ACAN: variants seen among roughly 807,000 people sequenced by gnomAD.
The protein encoded by ACAN is aggrecan core protein.
In ACAN, 47 loss-of-function variants were observed where a neutral mutation model predicts 169.1. The observed-to-expected ratio is 0.28, with a 90% CI of 0.22 to 0.35. The LOEUF is 0.35. ACAN is among the 10% of genes least tolerant of loss of function. ACAN has a pLI of 1.00. For missense variants in ACAN, 2,716 were observed against 2,759.9 expected (o/e 0.98, Z 0.36); for synonymous variants, 1,115 against 1,112.2 (o/e 1.00, Z -0.05).
intron 4 of ACAN, 29 bp downstream of exon 4, chr15:88,840,215 G>T (rs1329467395): frequency 2.9e-5 from 45 of 1,550,854 alleles, no homozygotes; most frequent in East Asian, 4.6e-5. Flanking sequence ...GCTAGTGGGG[G>T]CCAGGAGTCA....
intron 1 of ACAN, among the ~76,000 whole-genome samples, chr15:88,830,419 A>G (rs577286853): frequency 6.6e-6 from 1 of 152,248 alleles, no homozygotes; most frequent in East Asian, 1.9e-4. Flanking sequence ...ACTAAAGTGT[A>G]CTTACACAAA....
At chr15:88,859,942 T>C (rs1897157894) in intron 12 of ACAN, among the ~76,000 whole-genome samples, 1 of 152,156 alleles carries the variant, frequency 6.6e-6, no homozygotes, top group Non-Finnish European at 1.5e-5. Flanking sequence ...GTCATTTGGC[T>C]ATCTGGTTTT....
At chr15:88,842,695 C>A (rs1225209354) in intron 5 of ACAN, among the ~76,000 whole-genome samples, 2 of 152,216 alleles carry the variant, frequency 1.3e-5, no homozygotes, top group African/African-American at 4.8e-5. Flanking sequence ...TGTGTGTTCC[C>A]ACATTTGGCT....
chr15:88,834,608 A>T (rs1389318931), intron 1 of ACAN, among the ~76,000 whole-genome samples: 3 of 152,234 alleles, frequency 2.0e-5, no homozygotes, highest in Non-Finnish European at 4.4e-5. Flanking sequence ...CAGATCCTCC[A>T]TCCGCTCCAA....
intron 1 of ACAN, among the ~76,000 whole-genome samples, chr15:88,831,840 G>T (rs987255449): frequency 6.6e-6 from 1 of 152,190 alleles, no homozygotes; most frequent in Admixed American, 6.5e-5. Flanking sequence ...CCAGAAGGCC[G>T]CCACAGGAGG....
At chr15:88,845,937 AG>A (rs1460393519) in intron 7 of ACAN, 55 bp downstream of exon 7, 1 of 1,431,854 alleles carries the variant, frequency 7.0e-7, no homozygotes, top group African/African-American at 1.4e-5. Flanking sequence ...CTTGGCCTGC[AG>A]GGAAGGGATT....
Position 88,875,158 on chromosome 15 carries a change from T to G in ACAN, c.*677T>G, listed in dbSNP as rs1284485416. 6.5e-6 allele frequency: 1 copy of G among 153,720 alleles called. No individual in the cohort carries two copies. The highest frequency in any genetic ancestry group is 1.9e-4 in the East Asian group (1 of 5,198). The allele number at this position is 153,720 out of a possible 1,614,324, so 9.5% of individuals were successfully genotyped here. A position where few individuals can be genotyped will look rare whatever the true frequency, so the allele number is the denominator to read the frequency against. On this transcript the variant is annotated 3_prime_UTR_variant, in exon 19 of 19. Coordinates refer to ENST00000560601, the MANE Select transcript of ACAN (RefSeq NM_001369268.1). The surrounding 1 kb of genome is among the most constrained non-coding windows in gnomAD (Gnocchi z 4.8). ...TTCAGTGTCCTCTCTCTCACCTGGG[T>G]CTGCCACCCTAACAGGTGGCAACTC...
rs1897076360 is a variant in ACAN at position 88,857,259 on chromosome 15, T to C, written c.4674T>C (p.Ser1558=). Residue 1558 remains serine, a synonymous_variant, in exon 12 of 19, where the codon TCT becomes TCC. Coordinates refer to ENST00000560601, the MANE Select transcript of ACAN (RefSeq NM_001369268.1). ...LPSGGEGLET[S]ASEVGTDLSG... Reference sequence around the variant, plus strand: ...CTGGAGGAGAAGGTCTAGAGACCTCTGCTTCTGAAGTAGGGACTGACCTCA... The same window carrying C: ...CTGGAGGAGAAGGTCTAGAGACCTCCGCTTCTGAAGTAGGGACTGACCTCA... 1 of 1,613,820 alleles carries C rather than the reference T, an allele frequency of 6.2e-7. No homozygotes were observed. Among genetic ancestry groups the C allele is most frequent in the Non-Finnish European group, 8.5e-7 (1 of 1,179,884 alleles).
rs28421263 is a variant in ACAN at position 88,846,359 on chromosome 15, C to T, written c.1429+477C>T. ...TTAGCTGTTCTCATATGGCCCATGA[C>T]TTAAGAATGATTTTTACATTCTTAA... On this transcript the variant is annotated intron_variant, in intron 7 of 18. Coordinates refer to ENST00000560601, the MANE Select transcript of ACAN (RefSeq NM_001369268.1). Among the ~76,000 whole-genome samples the T allele has an allele frequency of 4.5e-3, 685 of 152,272 alleles. 8 individuals carry two copies. Among genetic ancestry groups the T allele is most frequent in the African/African-American group, 0.016 (657 of 41,552 alleles).
intron 12 of ACAN, among the ~76,000 whole-genome samples, chr15:88,860,017 C>T (rs933566058): frequency 2.0e-5 from 3 of 150,510 alleles, no homozygotes; most frequent in Admixed American, 6.6e-5. Context: ...ATTGTCTCAC[C>T]GTGACATAAC....
intron 1 of ACAN, among the ~76,000 whole-genome samples, chr15:88,823,653 C>T (rs772056112): frequency 2.6e-5 from 4 of 152,172 alleles, no homozygotes; most frequent in Non-Finnish European, 5.9e-5. Flanking sequence ...TCCACGGCTG[C>T]AGCCACCCCA....
intron 1 of ACAN, among the ~76,000 whole-genome samples, chr15:88,812,895 CAG>C (rs1172863479): frequency 6.6e-6 from 1 of 152,182 alleles, no homozygotes; most frequent in Non-Finnish European, 1.5e-5. Flanking sequence ...CTTCCTGAGA[CAG>C]GGACCTTTTC....
At chr15:88,831,201 A>T (rs765578274) in intron 1 of ACAN, among the ~76,000 whole-genome samples, 3 of 152,244 alleles carry the variant, frequency 2.0e-5, no homozygotes, top group African/African-American at 7.2e-5. Context: ...TGGCTGTAGC[A>T]TAACACTGGT....
chr15:88,806,085 G>T (rs1399440215), intron 1 of ACAN, among the ~76,000 whole-genome samples: 1 of 152,210 alleles, frequency 6.6e-6, no homozygotes, highest in Admixed American at 6.5e-5. Flanking sequence ...TGGCTACATG[G>T]CTTTGATAAG....
At chr15:88,842,513 CCCCCT>C (rs1395533398) in intron 5 of ACAN, among the ~76,000 whole-genome samples, 2,481 of 48,322 alleles carry the variant, frequency 0.051, 55 homozygotes, top group African/African-American at 0.11. Context: ...CCTGCCCATC[CCCCCT>C]CCCCCCTACC....
chr15:88,857,186 T>C lies in ACAN; in HGVS notation c.4601T>C (p.Val1534Ala). Residue 1534 changes from valine (V) to alanine (A), a missense_variant, in exon 12 of 19, where the codon GTT becomes GCT. Val to Ala is a moderately conservative substitution (Grantham distance 64). Around this residue, in one of 3 missense-constraint regions of ACAN, gnomAD observed 1,389 missense variants for 1,363.7 expected, o/e 1.02. Coordinates refer to ENST00000560601, the MANE Select transcript of ACAN (RefSeq NM_001369268.1). Reference sequence around the variant, plus strand: ...AGCAGGCTCCCTTCTGGAGAAGAAGTTCTAGAGATTTCTGCCTCTGGATTT... The same window carrying C: ...AGCAGGCTCCCTTCTGGAGAAGAAGCTCTAGAGATTTCTGCCTCTGGATTT... ...DLSRLPSGEE[V>A]LEISASGFGD... 6.2e-7 allele frequency: 1 copy of C among 1,613,660 alleles called. No homozygotes were observed. Among genetic ancestry groups the C allele is most frequent in the East Asian group, 2.2e-5 (1 of 44,870 alleles).
At chr15:88,854,125 T>C (rs1410308448) in intron 11 of ACAN, among the ~76,000 whole-genome samples, 1 of 152,268 alleles carries the variant, frequency 6.6e-6, no homozygotes, top group Non-Finnish European at 1.5e-5. Flanking sequence ...TTTTTCAAAT[T>C]GTCTGTAACA....
chr15:88,847,355 G>A lies in ACAN; in HGVS notation c.1542G>A (p.Gln514=), dbSNP rs1416580950. 2 of 1,589,058 alleles carry A rather than the reference G, an allele frequency of 1.3e-6. No homozygotes were observed. Among genetic ancestry groups the A allele is most frequent in the Non-Finnish European group, 1.7e-6 (2 of 1,168,794 alleles). The change falls in exon 8 of 19, where the codon CAG becomes CAA. Residue 514 remains glutamine (Q), a synonymous_variant. Coordinates refer to ENST00000560601, the MANE Select transcript of ACAN (RefSeq NM_001369268.1). ...GAVIASPEQL[Q]AAYEAGYEQC... ...TCATTGCCTCGCCGGAGCAGCTCCA[G>A]GCCGCCTACGAAGCAGGCTATGAGC...
At position 88,847,233 on chromosome 15, in the gene ACAN, C is replaced by A. The variant is rs769447887; in HGVS notation, c.1430-10C>A. 2 of 1,538,158 alleles carry A rather than the reference C, an allele frequency of 1.3e-6. No individual in the cohort carries two copies. Among genetic ancestry groups the A allele is most frequent in the Non-Finnish European group, 1.8e-6 (2 of 1,138,156 alleles). On this transcript the variant is annotated splice_polypyrimidine_tract_variant and intron_variant, in intron 7 of 18. Coordinates refer to ENST00000560601, the MANE Select transcript of ACAN (RefSeq NM_001369268.1). ...TCCCTGAACCTGACCGCTCCCTCCT[C>A]CCCACCCAGGGGTCGTCTTCCACTA...
Sources: allele counts gnomAD v4.1 joint callset (sites outside exome capture counted in the v4.1 genomes callset), GRCh38; gene constraint gnomAD v4.1.1; regional missense constraint gnomAD v4.1.1; non-coding constraint Gnocchi (gnomAD v3.1); transcripts MANE v1.5; gene names NCBI Gene and HGNC (gene_info 2026-07-23, HGNC 2026-07-21).